The following STPG2 variants were observed in gnomAD, a reference collection of about 807,000 sequenced individuals.
STPG2 encodes the protein sperm-tail PG-rich repeat-containing protein 2.
STPG2 carries 56 observed loss-of-function variants against 54.2 expected under a neutral mutation model. The observed-to-expected ratio is 1.03, with a 90% CI of 0.83 to 1.29. The LOEUF (loss-of-function observed/expected upper bound fraction) is 1.29. Among genes scored for constraint, STPG2 ranks in the 50% most tolerant of loss-of-function variants. The pLI, the probability that STPG2 is intolerant of heterozygous loss-of-function variation, is 0.00. For synonymous variants in STPG2, 200 were observed against 181.8 expected, an observed-to-expected ratio of 1.10 and a Z score of -0.81; for missense variants, 596 against 544.9, an observed-to-expected ratio of 1.09 and a Z score of -0.93.
At chr4:97,868,274 G>C (rs983908737) in intron 8 of STPG2, among the ~76,000 whole-genome samples, 10 of 151,870 alleles carry the variant, frequency 6.6e-5, no homozygotes, top group African/African-American at 2.4e-4. Context: ...CAAATTCATG[G>C]TGGATTATTT....
intron 5 of STPG2, among the ~76,000 whole-genome samples, chr4:98,088,567 T>C (rs1738595025): frequency 6.6e-6 from 1 of 150,692 alleles, no homozygotes. Flanking sequence ...TTATTTAAAA[T>C]CATAAACCTA....
intron 4 of STPG2, among the ~76,000 whole-genome samples, chr4:97,523,076 A>G (rs1479392839): frequency 6.6e-6 from 1 of 152,000 alleles, no homozygotes; most frequent in Admixed American, 6.6e-5. Flanking sequence ...TGATTTTTAA[A>G]GTTACACCTT....
chr4:97,831,612 T>C (rs1021150861), intron 9 of STPG2, among the ~76,000 whole-genome samples: 1 of 151,890 alleles, frequency 6.6e-6, no homozygotes, highest in Non-Finnish European at 1.5e-5. Flanking sequence ...ATCAACAAAA[T>C]AGACCACTAA....
At chr4:98,087,560 C>CTT (rs70955916) in intron 5 of STPG2, among the ~76,000 whole-genome samples, 1,558 of 132,238 alleles carry the variant, frequency 0.012, 37 homozygotes, top group African/African-American at 0.04. Context: ...CTCTTTTTTT[C>CTT]TTTTTTTTTT....
chr4:97,890,817 A>G (rs1010944545), intron 8 of STPG2, among the ~76,000 whole-genome samples: 4 of 152,012 alleles, frequency 2.6e-5, no homozygotes, highest in Admixed American at 2.6e-4. Context: ...CAACTACTAC[A>G]TATCAATTTT....
chr4:97,572,666 C>T (rs1298613931), intron 10 of STPG2: 3 of 152,054 alleles, frequency 2.0e-5, no homozygotes, highest in Non-Finnish European at 4.4e-5. Flanking sequence ...TCAAGGATGT[C>T]GGAAATAACT....
At chr4:97,747,265 G>C (rs923794190) in intron 9 of STPG2, among the ~76,000 whole-genome samples, 3 of 151,164 alleles carry the variant, frequency 2.0e-5, no homozygotes, top group Non-Finnish European at 4.4e-5. Context: ...CTTCATATTA[G>C]TTATTTTTAT....
chr4:97,840,938 A>G lies in STPG2; in HGVS notation c.1045-6T>C, dbSNP rs776377621. The G allele has an allele frequency of 1.6e-5, 25 of 1,609,834 alleles. No homozygotes were observed. The highest frequency in any genetic ancestry group is 2.1e-5 in the Non-Finnish European group (25 of 1,177,822). ...CTGCCTGGCGCTGGAATAACCTGAA[A>G]AAAAATTTAATAGATGAGCATAAAT... On this transcript the variant is annotated splice_region_variant and splice_polypyrimidine_tract_variant and intron_variant, in intron 8 of 10. Coordinates refer to ENST00000295268, the MANE Select transcript of STPG2 (RefSeq NM_174952.3).
chr4:97,953,870 G>T (rs906849969), intron 7 of STPG2, among the ~76,000 whole-genome samples: 2 of 152,116 alleles, frequency 1.3e-5, no homozygotes, highest in Non-Finnish European at 2.9e-5. Context: ...TTCCTGCATT[G>T]CTTCTCAGAA....
intron 9 of STPG2, among the ~76,000 whole-genome samples, chr4:97,789,452 G>C (rs1726925831): frequency 6.6e-6 from 1 of 151,988 alleles, no homozygotes; most frequent in African/African-American, 2.4e-5. Context: ...TCTATTTCAA[G>C]ACTTCTCTCC....
At chr4:97,713,589 A>G (rs1044892471) in intron 9 of STPG2, among the ~76,000 whole-genome samples, 1 of 152,218 alleles carries the variant, frequency 6.6e-6, no homozygotes, top group Non-Finnish European at 1.5e-5. Flanking sequence ...AGAGTGTACA[A>G]CCAAGATCCC....
At chr4:98,049,572 T>A (rs1455904124) in intron 5 of STPG2, among the ~76,000 whole-genome samples, 1 of 152,174 alleles carries the variant, frequency 6.6e-6, no homozygotes, top group Non-Finnish European at 1.5e-5. Flanking sequence ...AAAAAATAAA[T>A]GATCACCATT....
At chr4:97,461,340 C>T (rs1277664479) in intron 4 of STPG2, among the ~76,000 whole-genome samples, 1 of 152,162 alleles carries the variant, frequency 6.6e-6, no homozygotes, top group East Asian at 1.9e-4. Flanking sequence ...GTTTGTGCTT[C>T]ACCCAAAAAT....
intron 4 of STPG2, among the ~76,000 whole-genome samples, chr4:97,456,450 C>T (rs1560616189): frequency 6.6e-6 from 1 of 152,112 alleles, no homozygotes; most frequent in Non-Finnish European, 1.5e-5. Flanking sequence ...CCAGTTACCT[C>T]CCACCAAGCA....
chr4:98,025,986 C>T, intron 5 of STPG2: 2 of 1,151,928 alleles, frequency 1.7e-6, no homozygotes, highest in Non-Finnish European at 2.6e-6. Flanking sequence ...ACATTGTGGG[C>T]CAGAATGTTG....
At chr4:97,932,880 C>T (rs949489454) in intron 8 of STPG2, among the ~76,000 whole-genome samples, 1 of 152,046 alleles carries the variant, frequency 6.6e-6, no homozygotes, top group African/African-American at 2.4e-5. Context: ...GGATATATAT[C>T]CCAGTAATGG....
chr4:97,881,738 C>T lies in STPG2; in HGVS notation c.1045-40806G>A, dbSNP rs1730381367. Reference sequence around the variant, plus strand: ...CATAAAAACTCCTCAGACTTTCATACTTTTCCCATTTCTCTAGTTTCAGCC... The same window carrying T: ...CATAAAAACTCCTCAGACTTTCATATTTTTCCCATTTCTCTAGTTTCAGCC... On this transcript the variant is annotated intron_variant, in intron 8 of 10. Coordinates refer to ENST00000295268, the MANE Select transcript of STPG2 (RefSeq NM_174952.3). 4.6e-5 allele frequency among the ~76,000 whole-genome samples: 7 copies of T among 152,144 alleles called. No individual in the cohort carries two copies. In the South Asian group the frequency reaches 1.5e-3, roughly 32 times the overall value.
intron 6 of STPG2, among the ~76,000 whole-genome samples, chr4:97,979,624 C>T (rs946994979): frequency 5.3e-5 from 8 of 152,030 alleles, no homozygotes; most frequent in Non-Finnish European, 8.8e-5. Context: ...TTGTGGCTTA[C>T]GCTTGTAATC....
At chr4:98,116,380 C>T (rs1739526928) in intron 3 of STPG2, among the ~76,000 whole-genome samples, 1 of 151,730 alleles carries the variant, frequency 6.6e-6, no homozygotes, top group Non-Finnish European at 1.5e-5. Flanking sequence ...TATGTTAGAC[C>T]ATAGTTATTT....
Sources: allele counts gnomAD v4.1 joint callset (sites outside exome capture counted in the v4.1 genomes callset), GRCh38; gene constraint gnomAD v4.1.1; transcripts MANE v1.5; gene names NCBI Gene and HGNC (gene_info 2026-07-23, HGNC 2026-07-21).